The following HTR4 variants were observed in gnomAD, a reference collection of about 807,000 sequenced individuals.
HTR4 encodes 5-hydroxytryptamine receptor 4.
A neutral mutation model predicts 36.8 loss-of-function variants in HTR4; 16 were observed. That is an observed-to-expected ratio of 0.43 (90% CI 0.29 to 0.66). The LOEUF (loss-of-function observed/expected upper bound fraction) is 0.66, where lower values mean the gene tolerates loss of function less well. Ranked by LOEUF, HTR4 falls within the 30% of genes least tolerant of loss-of-function variation. The probability of loss-of-function intolerance (pLI) is 0.13; values close to 1 mark genes in which losing one functional copy is unlikely to be tolerated. For missense variants in HTR4, 438 were observed against 490.9 expected (o/e 0.89, Z 1.02); for synonymous variants, 189 against 185.1 (o/e 1.02, Z -0.17).
intron 6 of HTR4, among the ~76,000 whole-genome samples, chr5:148,491,326 T>C (rs60701781): frequency 2.0e-5 from 3 of 151,642 alleles, no homozygotes; most frequent in Non-Finnish European, 4.4e-5. Context: ...CTATATATTT[T>C]TTTTTTTTTG....
intron 2 of HTR4, among the ~76,000 whole-genome samples, chr5:148,559,668 C>T (rs924870213): frequency 2.6e-5 from 4 of 152,094 alleles, no homozygotes; most frequent in Non-Finnish European, 1.5e-5. Flanking sequence ...CAGCCCAGAA[C>T]GATCAGGACT....
intron 1 of HTR4, among the ~76,000 whole-genome samples, chr5:148,639,484 C>T (rs1253588226): frequency 6.6e-6 from 1 of 151,872 alleles, no homozygotes; most frequent in Non-Finnish European, 1.5e-5. Context: ...GTAGATTACT[C>T]TCTCACTTCC....
intron 2 of HTR4, among the ~76,000 whole-genome samples, chr5:148,581,135 G>A (rs1292594820): frequency 6.6e-6 from 1 of 151,600 alleles, no homozygotes; most frequent in African/African-American, 2.4e-5. Context: ...TTTGTCATTT[G>A]TATGTTTTCT....
In HTR4 at chr5:148,588,527, CTTTTTTTTTTT is replaced by C. The variant is rs35749777; in HGVS notation, c.27-38276_27-38266del. On this transcript the variant is annotated intron_variant, in intron 2 of 6. Coordinates refer to ENST00000377888, the MANE Select transcript of HTR4 (RefSeq NM_000870.7). ...ATATCATTCACAGTAGGTTTTAATT[CTTTTTTTTTTT>C]TTTTTTTTTTTTTGAGATGGAGTCT... Among the ~76,000 whole-genome samples, 452 of 110,168 alleles carry C rather than the reference CTTTTTTTTTTT, an allele frequency of 4.1e-3. 2 individuals are homozygous for C. The highest frequency in any genetic ancestry group is 0.021 in the Middle Eastern group (3 of 140). The allele number at this position is 110,168 out of a possible 152,430, so 72.3% of individuals were successfully genotyped here. A position where few individuals can be genotyped will look rare whatever the true frequency, so the allele number is the denominator to read the frequency against.
At chr5:148,608,290 A>G (rs1197389573) in intron 2 of HTR4, among the ~76,000 whole-genome samples, 1 of 152,188 alleles carries the variant, frequency 6.6e-6, no homozygotes, top group Non-Finnish European at 1.5e-5. Flanking sequence ...ACAAACAAAC[A>G]GGCAATTATC....
At chr5:148,569,993 A>G (rs912297586) in intron 2 of HTR4, among the ~76,000 whole-genome samples, 1 of 152,126 alleles carries the variant, frequency 6.6e-6, no homozygotes, top group African/African-American at 2.4e-5. Context: ...TGTGAATCCC[A>G]TCTTTTGCAC....
intron 2 of HTR4, among the ~76,000 whole-genome samples, chr5:148,635,794 G>A (rs1753511963): frequency 2.6e-5 from 4 of 152,072 alleles, no homozygotes; most frequent in Admixed American, 2.6e-4. Context: ...AACTTTAGAG[G>A]AAAATTAAAG....
intron 5 of HTR4, among the ~76,000 whole-genome samples, chr5:148,515,207 T>G (rs2113781799): frequency 6.6e-6 from 1 of 152,256 alleles, no homozygotes; most frequent in South Asian, 2.1e-4. Flanking sequence ...ATCTTTATTT[T>G]AGGGGCTACA....
chr5:148,529,335 C>T (rs1019390178), intron 4 of HTR4, among the ~76,000 whole-genome samples: 2 of 152,098 alleles, frequency 1.3e-5, no homozygotes, highest in Non-Finnish European at 2.9e-5. Flanking sequence ...CCACAATTCC[C>T]GTGTGTTGTG....
chr5:148,479,604 G>C (rs1755811600), downstream of HTR4, among the ~76,000 whole-genome samples: 1 of 152,142 alleles, frequency 6.6e-6, no homozygotes. Context: ...TCAAAAAGTA[G>C]ATGATCATAA....
chr5:148,634,431 G>A (rs1295311713), intron 2 of HTR4, among the ~76,000 whole-genome samples: 3 of 152,144 alleles, frequency 2.0e-5, no homozygotes, highest in African/African-American at 7.2e-5. Context: ...TTATGACCTT[G>A]AACAAGTTAT....
At chr5:148,612,168 C>A (rs1249362771) in intron 2 of HTR4, among the ~76,000 whole-genome samples, 25 of 152,276 alleles carry the variant, frequency 1.6e-4, no homozygotes, top group African/African-American at 4.8e-4. Flanking sequence ...CAGCTCTGCA[C>A]CAAGCGGACC....
At chr5:148,515,969 TTA>T (rs1288649687) in intron 5 of HTR4, among the ~76,000 whole-genome samples, 1 of 146,862 alleles carries the variant, frequency 6.8e-6, no homozygotes, top group Non-Finnish European at 1.5e-5. Flanking sequence ...CTTTTTTGTA[TTA>T]TATATATATG....
chr5:148,600,569 A>G (rs1260389535), intron 2 of HTR4, among the ~76,000 whole-genome samples: 1 of 151,730 alleles, frequency 6.6e-6, no homozygotes, highest in Admixed American at 6.6e-5. Flanking sequence ...TTGCAGTTTT[A>G]TACACTAGTA....
intron 2 of HTR4, among the ~76,000 whole-genome samples, chr5:148,560,723 G>T (rs1267193505): frequency 6.6e-6 from 1 of 152,120 alleles, no homozygotes; most frequent in Non-Finnish European, 1.5e-5. Flanking sequence ...GAAGAGGCTG[G>T]AGCTCAGCAT....
At chr5:148,650,027 T>G (rs916219026) in intron 1 of HTR4, among the ~76,000 whole-genome samples, 9 of 54,944 alleles carry the variant, frequency 1.6e-4, no homozygotes, top group Non-Finnish European at 2.5e-4. Flanking sequence ...GCAATTTGTG[T>G]TTTTTTTTTA....
intron 4 of HTR4, among the ~76,000 whole-genome samples, chr5:148,535,667 A>G (rs184245093): frequency 5.9e-5 from 9 of 152,300 alleles, no homozygotes; most frequent in Admixed American, 4.6e-4. Flanking sequence ...CTAAAATAAG[A>G]CAGTTAGACA....
At chr5:148,637,389 G>A (rs181419660) in intron 1 of HTR4, among the ~76,000 whole-genome samples, 20 of 152,172 alleles carry the variant, frequency 1.3e-4, no homozygotes, top group Admixed American at 3.9e-4. Flanking sequence ...AGTGAAGATA[G>A]GTAGCTACAT....
intron 2 of HTR4, among the ~76,000 whole-genome samples, chr5:148,609,584 T>G (rs1018959586): frequency 4.7e-5 from 7 of 149,738 alleles, no homozygotes; most frequent in African/African-American, 1.8e-4. Flanking sequence ...TTTAAGGGTT[T>G]TTTTTTTTTT....
Sources: gnomAD v4.1 joint callset for allele counts (sites outside exome capture counted in the v4.1 genomes callset) on GRCh38, gnomAD v4.1.1 for gene constraint, MANE v1.5 for transcripts, NCBI Gene and HGNC (gene_info 2026-07-23, HGNC 2026-07-21) for gene names.